The following CADM2 variants were observed in gnomAD, a reference collection of about 807,000 sequenced individuals.
CADM2 encodes cell adhesion molecule 2.
In CADM2, 12 loss-of-function variants were observed where a neutral mutation model predicts 49.8. The observed-to-expected ratio is 0.24, with a 90% CI of 0.15 to 0.39. The LOEUF is 0.39. Among genes scored for constraint, CADM2 ranks in the 10% least tolerant of loss-of-function variants. CADM2 has a pLI of 1.00. For synonymous variants in CADM2, 214 were observed against 175.4 expected (o/e 1.22, Z -1.74); for missense variants, 378 against 492.3 (o/e 0.77, Z 2.20).
At chr3:85,338,334 G>A (rs2045146938) in intron 1 of CADM2, among the ~76,000 whole-genome samples, 2 of 151,452 alleles carry the variant, frequency 1.3e-5, no homozygotes, top group African/African-American at 4.8e-5. Context: ...TTAATAACTG[G>A]TTAATCCAAT....
At chr3:85,458,237 A>G (rs1042532758) in intron 1 of CADM2, among the ~76,000 whole-genome samples, 1 of 152,118 alleles carries the variant, frequency 6.6e-6, no homozygotes, top group Non-Finnish European at 1.5e-5. Flanking sequence ...CAGGGATTTC[A>G]TGTTTTGTAT....
intron 1 of CADM2, among the ~76,000 whole-genome samples, chr3:85,201,651 C>T (rs1442336934): frequency 1.3e-5 from 2 of 152,180 alleles, no homozygotes; most frequent in Non-Finnish European, 2.9e-5. Context: ...AGTCAATCCT[C>T]TCTAACCCTA....
chr3:85,673,104 C>T (rs1165649369), intron 1 of CADM2, among the ~76,000 whole-genome samples: 1 of 152,194 alleles, frequency 6.6e-6, no homozygotes, highest in Admixed American at 6.5e-5. Context: ...TGTAAATTGT[C>T]TGTCTTCTGA....
chr3:85,200,170 T>C (rs371728807), intron 1 of CADM2, among the ~76,000 whole-genome samples: 6 of 152,202 alleles, frequency 3.9e-5, no homozygotes, highest in South Asian at 4.1e-4. Context: ...AATTCAGGTT[T>C]ATCATATTTA....
chr3:86,008,691 A>G (rs1731091337), intron 8 of CADM2, among the ~76,000 whole-genome samples: 1 of 151,970 alleles, frequency 6.6e-6, no homozygotes, highest in African/African-American at 2.4e-5. Context: ...GGCAAAATGA[A>G]CTATTGAATG....
intron 3 of CADM2, among the ~76,000 whole-genome samples, chr3:85,808,235 A>G (rs981980361): frequency 2.6e-5 from 4 of 152,200 alleles, no homozygotes; most frequent in Non-Finnish European, 5.9e-5. Context: ...AAATTTATAG[A>G]TCCTTATGGG....
At chr3:85,506,067 C>G (rs2040338379) in intron 1 of CADM2, among the ~76,000 whole-genome samples, 1 of 152,188 alleles carries the variant, frequency 6.6e-6, no homozygotes, top group Non-Finnish European at 1.5e-5. Flanking sequence ...TATAATACTA[C>G]TGCAATTTCT....
intron 1 of CADM2, among the ~76,000 whole-genome samples, chr3:85,363,649 T>C (rs775500694): frequency 6.6e-5 from 10 of 152,244 alleles, no homozygotes; most frequent in Non-Finnish European, 1.3e-4. Flanking sequence ...TCTCGCTGTA[T>C]GGCCCAGGCT....
rs78052961 is a variant in CADM2, at chr3:85,197,262, A to G, written c.61+237594A>G. 3.9e-5 allele frequency among the ~76,000 whole-genome samples: 6 copies of G among 151,994 alleles called. No individual in the cohort carries two copies. The East Asian group carries it at 9.7e-4, about 24-fold the overall frequency. On this transcript the variant is annotated intron_variant, in intron 1 of 9. Transcript: ENST00000383699. ...AGGTAGAGAAAAAAAAACACATCCTACATAATTTTATAAACACAGTTGTGA... is the reference window on the plus strand; with the variant it reads ...AGGTAGAGAAAAAAAAACACATCCTGCATAATTTTATAAACACAGTTGTGA...
At chr3:85,974,808 C>T (rs1726571420) in intron 8 of CADM2, among the ~76,000 whole-genome samples, 1 of 151,614 alleles carries the variant, frequency 6.6e-6, no homozygotes, top group Non-Finnish European at 1.5e-5. Flanking sequence ...GTTCTATTGA[C>T]TTGATTTAGG....
intron 1 of CADM2, among the ~76,000 whole-genome samples, chr3:85,194,412 G>A (rs1402030891): frequency 6.6e-6 from 1 of 152,010 alleles, no homozygotes; most frequent in East Asian, 1.9e-4. Context: ...AAAAAATGGT[G>A]GACTGGCAGG....
intron 1 of CADM2, among the ~76,000 whole-genome samples, chr3:85,037,887 A>T (rs919590548): frequency 6.6e-6 from 1 of 151,966 alleles, no homozygotes; most frequent in African/African-American, 2.4e-5. Context: ...TTCTTGCTTT[A>T]ACTTTTTCTT....
intron 5 of CADM2, among the ~76,000 whole-genome samples, chr3:85,890,250 G>A (rs1250582332): frequency 6.6e-6 from 1 of 152,086 alleles, no homozygotes; most frequent in African/African-American, 2.4e-5. Flanking sequence ...ACATTCTTGT[G>A]AGAGTTTGAT....
chr3:85,081,146 T>G (rs2107500211), intron 1 of CADM2, among the ~76,000 whole-genome samples: 1 of 152,254 alleles, frequency 6.6e-6, no homozygotes, highest in African/African-American at 2.4e-5. Flanking sequence ...TAAGTGAAAA[T>G]ATTCATAATG....
chr3:85,517,544 T>G (rs534834470), intron 1 of CADM2, among the ~76,000 whole-genome samples: 1 of 152,268 alleles, frequency 6.6e-6, no homozygotes, highest in African/African-American at 2.4e-5. Flanking sequence ...TCAATATCAT[T>G]AGAATTATAT....
intron 8 of CADM2, among the ~76,000 whole-genome samples, chr3:86,044,512 T>C (rs1415540571): frequency 6.6e-6 from 1 of 152,138 alleles, no homozygotes; most frequent in Non-Finnish European, 1.5e-5. Context: ...CACAATGAGA[T>C]ACCATCTCAC....
chr3:85,495,253 C>A (rs2039840144), intron 1 of CADM2, among the ~76,000 whole-genome samples: 1 of 152,086 alleles, frequency 6.6e-6, no homozygotes, highest in South Asian at 2.1e-4. Context: ...TTCTTCTCTT[C>A]CATGAATAAC....
intron 1 of CADM2, among the ~76,000 whole-genome samples, chr3:85,366,836 G>A (rs988358312): frequency 1.3e-5 from 2 of 151,716 alleles, no homozygotes; most frequent in African/African-American, 4.8e-5. Flanking sequence ...ATTCATTACT[G>A]AATATTTGAT....
chr3:85,195,138 C>A (rs1307717130), intron 1 of CADM2, among the ~76,000 whole-genome samples: 1 of 151,884 alleles, frequency 6.6e-6, no homozygotes, highest in Admixed American at 6.6e-5. Context: ...GGGTTCATGC[C>A]CAAAACATGT....
Sources: gnomAD v4.1 joint callset for allele counts (sites outside exome capture counted in the v4.1 genomes callset) on GRCh38, gnomAD v4.1.1 for gene constraint, MANE v1.5 for transcripts, NCBI Gene and HGNC (gene_info 2026-07-23, HGNC 2026-07-21) for gene names.